UBE2F: variants seen among roughly 807,000 people sequenced by gnomAD.
UBE2F encodes ubiquitin conjugating enzyme E2 F (putative).
In UBE2F, 5 loss-of-function variants were observed where a neutral mutation model predicts 29.6. The observed-to-expected ratio is 0.17, with a 90% confidence interval of 0.09 to 0.36. The LOEUF is 0.36. UBE2F is among the 10% of genes least tolerant of loss of function. The probability of loss-of-function intolerance (pLI) is 1.00; values close to 1 mark genes in which losing one functional copy is unlikely to be tolerated. For synonymous variants in UBE2F, 66 were observed against 81.8 expected (o/e 0.81, Z 1.04); for missense variants, 141 against 228.5 (o/e 0.62, Z 2.47).
At chr2:238,019,903 G>A (rs940351058) in intron 5 of UBE2F, among the ~76,000 whole-genome samples, 37 of 152,052 alleles carry the variant, frequency 2.4e-4, no homozygotes, top group African/African-American at 8.2e-4. Context: ...CAGGTGATCC[G>A]CTGCCTTGGC....
At chr2:238,013,056 C>T (rs1042706306) in intron 4 of UBE2F, among the ~76,000 whole-genome samples, 1 of 152,088 alleles carries the variant, frequency 6.6e-6, no homozygotes, top group African/African-American at 2.4e-5. Context: ...ATGGGCAGAT[C>T]GCTTGTGGTC....
At position 237,967,333 on chromosome 2, in the gene UBE2F, G is replaced by A. The variant is rs551414025; in HGVS notation, c.-17+201G>A. ...AATGGGAAGGGGCCGCGGGCCGCGG[G>A]CCGCGAGCCGGGGGTCGGAGGCGGC... is the stretch of plus-strand genomic sequence containing the variant. On this transcript the variant is annotated intron_variant, in intron 1 of 9. Transcript: ENST00000272930. This position sits in a 1 kb window ranked among gnomAD's most constrained non-coding sequence, Gnocchi z 6.3. Among the ~76,000 whole-genome samples, 82 of 140,218 alleles carry A rather than the reference G, an allele frequency of 5.8e-4. No homozygotes were observed. Among genetic ancestry groups the A allele is most frequent in the Non-Finnish European group, 9.7e-4 (60 of 61,874 alleles). 92.0% of individuals were successfully genotyped at this position (140,218 alleles called of 152,430 possible). A position where few individuals can be genotyped will look rare whatever the true frequency, so the allele number is the denominator to read the frequency against.
chr2:238,027,424 G>A (rs557786721), intron 6 of UBE2F, among the ~76,000 whole-genome samples: 4 of 152,312 alleles, frequency 2.6e-5, no homozygotes, highest in East Asian at 1.9e-4. Context: ...AGAGAAAGGC[G>A]CAGAAGACCA....
intron 8 of UBE2F, 91 bp downstream of exon 8, chr2:238,032,345 C>A: frequency 8.5e-7 from 1 of 1,181,794 alleles, no homozygotes; most frequent in South Asian, 1.3e-5. Context: ...AACACAAAAC[C>A]ATGTTAAAAA....
At chr2:238,000,077 C>T (rs1244624842) in intron 4 of UBE2F, among the ~76,000 whole-genome samples, 1 of 152,158 alleles carries the variant, frequency 6.6e-6, no homozygotes, top group Non-Finnish European at 1.5e-5. Context: ...CCACCTTGGC[C>T]TCCCAAAATG....
chr2:238,013,600 G>A (rs535976403), intron 4 of UBE2F, among the ~76,000 whole-genome samples: 101 of 152,292 alleles, frequency 6.6e-4, no homozygotes, highest in Non-Finnish European at 1.2e-3. Context: ...ACCAGACAGA[G>A]CATATGTGGA....
chr2:238,035,861 G>A lies in UBE2F; in HGVS notation c.445-17G>A. On this transcript the variant is annotated splice_polypyrimidine_tract_variant and intron_variant, in intron 8 of 9. Coordinates refer to ENST00000272930, the MANE Select transcript of UBE2F (RefSeq NM_080678.3). The stretch of plus-strand genomic sequence containing the variant: ...GCAGTTCTCCCAATGTTTACTTTAA[G>A]TTTCTCTCTTTTTAAGGATCTTTTG... The A allele has an allele frequency of 6.2e-7, 1 of 1,604,842 alleles. No homozygotes were observed. The highest frequency in any genetic ancestry group is 8.5e-7 in the Non-Finnish European group (1 of 1,173,628).
intron 2 of UBE2F, among the ~76,000 whole-genome samples, chr2:237,984,611 T>C (rs1350992087): frequency 6.6e-6 from 1 of 152,188 alleles, no homozygotes; most frequent in East Asian, 1.9e-4. Flanking sequence ...AATCTCCCTG[T>C]CCCAAAGACC....
At chr2:237,984,930 C>T (rs1425158505) in intron 2 of UBE2F, among the ~76,000 whole-genome samples, 1 of 151,138 alleles carries the variant, frequency 6.6e-6, no homozygotes, top group African/African-American at 2.4e-5. Flanking sequence ...CAGGCATGCA[C>T]CACCACGCCT....
At chr2:237,994,197 A>T (rs1352513720) in intron 3 of UBE2F, among the ~76,000 whole-genome samples, 2 of 146,866 alleles carry the variant, frequency 1.4e-5, no homozygotes, top group Non-Finnish European at 3.0e-5. Context: ...TGCAACCTCC[A>T]TCTCCTGGGT....
At chr2:237,980,283 G>A (rs974442893) in intron 2 of UBE2F, among the ~76,000 whole-genome samples, 17 of 152,142 alleles carry the variant, frequency 1.1e-4, no homozygotes, top group African/African-American at 3.9e-4. Context: ...GTCAGCTTGG[G>A]CTGCTGTAAC....
chr2:238,041,372 T>C lies in UBE2F; in HGVS notation c.*34T>C, dbSNP rs1434074357. On this transcript the variant is annotated 3_prime_UTR_variant, in exon 10 of 10. Coordinates refer to ENST00000272930, the MANE Select transcript of UBE2F (RefSeq NM_080678.3). ...GACGATTGCAGGCCCATGGACTGTGTTACAGTTTGTCTCTAACATGAAACA... is the reference window on the plus strand; with the variant it reads ...GACGATTGCAGGCCCATGGACTGTGCTACAGTTTGTCTCTAACATGAAACA... 3 of 1,611,402 alleles carry C rather than the reference T, an allele frequency of 1.9e-6. No individual in the cohort carries two copies. Among genetic ancestry groups the C allele is most frequent in the Non-Finnish European group, 2.5e-6 (3 of 1,178,308 alleles).
In UBE2F at chr2:238,011,536, G is replaced by A. The variant is rs544767037; in HGVS notation, c.215-5030G>A. ...GTGTCACCAGGGCCTAGAACTGTGT[G>A]TGGCACATGGTGGGCACTCATCAAC... On this transcript the variant is annotated intron_variant, in intron 4 of 9. Coordinates refer to ENST00000272930, the MANE Select transcript of UBE2F (RefSeq NM_080678.3). Among the ~76,000 whole-genome samples, 148 of 152,360 alleles carry A rather than the reference G, an allele frequency of 9.7e-4. 1 individual carries two copies. The Middle Eastern group carries it at 0.01, about 11-fold the overall frequency.
chr2:238,038,377 G>A (rs538222921), intron 9 of UBE2F, among the ~76,000 whole-genome samples: 14 of 152,308 alleles, frequency 9.2e-5, no homozygotes, highest in African/African-American at 1.4e-4. Context: ...GCCATCCGTC[G>A]GTGGTCCTGA....
chr2:238,019,987 G>A (rs1383233075), intron 5 of UBE2F, among the ~76,000 whole-genome samples: 1 of 152,050 alleles, frequency 6.6e-6, no homozygotes, highest in Non-Finnish European at 1.5e-5. Context: ...TTTTCTTCCT[G>A]TCTGCCTCTC....
chr2:238,039,720 G>GGCTGGAGCATGGGGCCT (rs981392480), intron 9 of UBE2F, among the ~76,000 whole-genome samples: 1 of 152,216 alleles, frequency 6.6e-6, no homozygotes, highest in African/African-American at 2.4e-5. Flanking sequence ...AGGCAGCAGA[G>GGCTGGAGCATGGGGCCT]GCTGGAGCAT....
At chr2:238,003,830 G>A (rs2063846755) in intron 4 of UBE2F, among the ~76,000 whole-genome samples, 2 of 152,050 alleles carry the variant, frequency 1.3e-5, no homozygotes, top group Non-Finnish European at 2.9e-5. Context: ...CTTTTGACAG[G>A]CCTACGCACT....
chr2:238,024,758 T>C (rs2064377119), intron 5 of UBE2F, among the ~76,000 whole-genome samples: 1 of 152,238 alleles, frequency 6.6e-6, no homozygotes, highest in African/African-American at 2.4e-5. Context: ...TGATATACTT[T>C]ATCCCCACAA....
chr2:238,001,175 A>C (rs1345730144), intron 4 of UBE2F, among the ~76,000 whole-genome samples: 2 of 151,894 alleles, frequency 1.3e-5, no homozygotes, highest in East Asian at 3.9e-4. Context: ...CTGGGATTAC[A>C]GGCATGTGCC....
Sources: allele counts gnomAD v4.1 joint callset (sites outside exome capture counted in the v4.1 genomes callset), GRCh38; gene constraint gnomAD v4.1.1; non-coding constraint Gnocchi (gnomAD v3.1); transcripts MANE v1.5; gene names NCBI Gene and HGNC (gene_info 2026-07-23, HGNC 2026-07-21).